CDH13: variants seen among roughly 807,000 people sequenced by gnomAD.
CDH13 encodes the protein cadherin-13.
Under a neutral mutation model 63.8 loss-of-function variants are expected in CDH13, and 24 were observed. The ratio of observed to expected loss-of-function variants is 0.38; its 90% confidence interval spans 0.27 to 0.53. The LOEUF is 0.53. Among genes scored for constraint, CDH13 ranks in the 20% least tolerant of loss-of-function variants. The pLI is 0.85. For synonymous variants in CDH13, 503 were observed against 355.3 expected (o/e 1.42, Z -4.67); for missense variants, 1,049 against 903.1 (o/e 1.16, Z -2.07).
At chr16:82,688,469 A>G (rs1202093212) in intron 1 of CDH13, among the ~76,000 whole-genome samples, 2 of 152,226 alleles carry the variant, frequency 1.3e-5, no homozygotes, top group African/African-American at 4.8e-5. Flanking sequence ...ATCACCATTC[A>G]AGACTCTGAA....
chr16:82,749,030 C>T (rs2034300850), intron 1 of CDH13, among the ~76,000 whole-genome samples: 1 of 152,092 alleles, frequency 6.6e-6, no homozygotes, highest in Non-Finnish European at 1.5e-5. Context: ...AGAGTGTTGG[C>T]CTTCTCACTC....
intron 2 of CDH13, among the ~76,000 whole-genome samples, chr16:82,934,840 A>C (rs2042615567): frequency 6.6e-6 from 1 of 152,236 alleles, no homozygotes; most frequent in East Asian, 1.9e-4. Flanking sequence ...CTCAGCCTGG[A>C]CTTCATTGTC....
chr16:83,125,041 C>A (rs555705740), intron 3 of CDH13, among the ~76,000 whole-genome samples: 53 of 152,274 alleles, frequency 3.5e-4, no homozygotes, highest in African/African-American at 1.2e-3. Flanking sequence ...TATATCTAAG[C>A]AAGTCCTCCA....
At chr16:83,632,623 A>G (rs1250908366) in intron 8 of CDH13, among the ~76,000 whole-genome samples, 1 of 150,878 alleles carries the variant, frequency 6.6e-6, no homozygotes, top group Non-Finnish European at 1.5e-5. Flanking sequence ...CATTGATGCT[A>G]TATTACTGAT....
intron 2 of CDH13, among the ~76,000 whole-genome samples, chr16:82,895,573 T>C (rs2041227038): frequency 6.6e-6 from 1 of 152,176 alleles, no homozygotes. Context: ...CTCTTAATAT[T>C]ATGCGCTGTA....
chr16:83,396,297 G>C (rs7199636), intron 6 of CDH13, among the ~76,000 whole-genome samples: 84,037 of 151,912 alleles, frequency 0.55, 24,085 homozygotes, highest in African/African-American at 0.67. Flanking sequence ...TCTCTACCTC[G>C]TAGGATTGTT....
At chr16:83,072,157 T>C (rs1597273351) in intron 3 of CDH13, among the ~76,000 whole-genome samples, 2 of 152,192 alleles carry the variant, frequency 1.3e-5, no homozygotes, top group African/African-American at 4.8e-5. Context: ...TGTGCATGTA[T>C]TTTACCCTTA....
At chr16:83,007,596 G>A (rs1326306407) in intron 2 of CDH13, among the ~76,000 whole-genome samples, 1 of 152,104 alleles carries the variant, frequency 6.6e-6, no homozygotes, top group East Asian at 1.9e-4. Flanking sequence ...TTGGGAGGCT[G>A]GGGCAGGTGG....
intron 7 of CDH13, among the ~76,000 whole-genome samples, chr16:83,555,986 C>G (rs772639848): frequency 1.3e-5 from 2 of 152,196 alleles, no homozygotes; most frequent in African/African-American, 4.8e-5. Flanking sequence ...GGAAGTAACA[C>G]TGGTACCCAG....
intron 2 of CDH13, among the ~76,000 whole-genome samples, chr16:82,885,908 A>G (rs2040871900): frequency 6.6e-6 from 1 of 152,216 alleles, no homozygotes; most frequent in African/African-American, 2.4e-5. Flanking sequence ...AGTGCCTGGC[A>G]TAGAGGAAGT....
chr16:83,105,085 G>C (rs556885974), intron 3 of CDH13, among the ~76,000 whole-genome samples: 54 of 152,174 alleles, frequency 3.5e-4, no homozygotes, highest in African/African-American at 1.2e-3. Flanking sequence ...GTGCCATGGC[G>C]GTTTGCTGCA....
rs949225864 is a variant in CDH13, at chr16:83,797,489, G to C, written c.*2459G>C. 2.6e-5 allele frequency: 4 copies of C among 152,342 alleles called. No individual in the cohort carries two copies. The East Asian group carries it at 7.7e-4, about 29-fold the overall frequency. The allele number at this position is 152,342 out of a possible 1,614,324, so 9.4% of individuals were successfully genotyped here. A position where few individuals can be genotyped will look rare whatever the true frequency, so the allele number is the denominator to read the frequency against. ...TGTCCCCACAGTTCTAATCAGGACAGAGATACTTCTGTCATGTTGTTCCTC... is the reference window on the plus strand; with the variant it reads ...TGTCCCCACAGTTCTAATCAGGACACAGATACTTCTGTCATGTTGTTCCTC... On this transcript the variant is annotated 3_prime_UTR_variant, in exon 14 of 14. Transcript: ENST00000567109.
chr16:83,378,513 T>C (rs2091497353), intron 6 of CDH13, among the ~76,000 whole-genome samples: 1 of 152,216 alleles, frequency 6.6e-6, no homozygotes, highest in African/African-American at 2.4e-5. Context: ...TCCCCTTCAG[T>C]TGGATTGGCC....
Position 83,530,877 on chromosome 16 carries a change from G to A in CDH13, c.960+44222G>A, listed in dbSNP as rs76581399. On this transcript the variant is annotated intron_variant, in intron 7 of 13. Transcript: ENST00000567109. ...CCATCAGGCAGGCGGTCTGTGCATG[G>A]TGGGTCAGAGGCAGAGCTGTGCATT... 6.9e-3 allele frequency among the ~76,000 whole-genome samples: 1,052 copies of A among 152,326 alleles called. 2 individuals carry two copies. Among genetic ancestry groups the A allele is most frequent in the Non-Finnish European group, 0.012 (823 of 68,022 alleles).
intron 5 of CDH13, among the ~76,000 whole-genome samples, chr16:83,230,930 G>A (rs541363014): frequency 6.6e-6 from 1 of 152,368 alleles, no homozygotes; most frequent in South Asian, 2.1e-4. Flanking sequence ...TATTTGGAAT[G>A]TGAACCAAGC....
At chr16:83,581,579 G>A (rs1905603933) in intron 7 of CDH13, among the ~76,000 whole-genome samples, 1 of 152,164 alleles carries the variant, frequency 6.6e-6, no homozygotes. Flanking sequence ...AGCACTTTGG[G>A]AGGCCAAGGC....
chr16:83,325,409 C>G (rs1211485716), intron 5 of CDH13, among the ~76,000 whole-genome samples: 1 of 152,036 alleles, frequency 6.6e-6, no homozygotes, highest in Non-Finnish European at 1.5e-5. Flanking sequence ...CTACTTCTTC[C>G]TTTTTCACTG....
chr16:83,406,461 C>T (rs71402069), intron 6 of CDH13, among the ~76,000 whole-genome samples: 8,204 of 140,164 alleles, frequency 0.059, 219 homozygotes, highest in East Asian at 0.066. Flanking sequence ...TTCTCTTTTT[C>T]TCTCTCTCTC....
intron 6 of CDH13, among the ~76,000 whole-genome samples, chr16:83,421,714 CT>C (rs2071720220): frequency 6.6e-6 from 1 of 152,202 alleles, no homozygotes; most frequent in South Asian, 2.1e-4. Context: ...CTTTTCCAGG[CT>C]TTGTTGTTAG....
Sources: allele counts gnomAD v4.1 joint callset (sites outside exome capture counted in the v4.1 genomes callset), GRCh38; gene constraint gnomAD v4.1.1; transcripts MANE v1.5; gene names NCBI Gene and HGNC (gene_info 2026-07-23, HGNC 2026-07-21).